Variants in NELL1 observed in about 807,000 individuals in gnomAD.
The protein encoded by NELL1 is neural EGFL like 1.
NELL1 carries 76 observed loss-of-function variants against 107.4 expected under a neutral mutation model. That is an observed-to-expected ratio of 0.71 (90% CI 0.59 to 0.86). NELL1 has a LOEUF of 0.86. NELL1 is among the 40% of genes least tolerant of loss of function. The pLI, the probability that NELL1 is intolerant of heterozygous loss-of-function variation, is 0.00. For synonymous variants in NELL1, 353 were observed against 341.2 expected (o/e 1.03, Z -0.38); for missense variants, 1,024 against 1,005.5 (o/e 1.02, Z -0.25).
chr11:20,958,463 G>C (rs1253249384), intron 11 of NELL1, among the ~76,000 whole-genome samples: 1 of 152,018 alleles, frequency 6.6e-6, no homozygotes, highest in Non-Finnish European at 1.5e-5. Context: ...GATCTTAAAA[G>C]CATCCACAGA....
intron 3 of NELL1, among the ~76,000 whole-genome samples, chr11:20,797,346 C>T (rs900719276): frequency 1.3e-5 from 2 of 151,776 alleles, no homozygotes; most frequent in Non-Finnish European, 2.9e-5. Flanking sequence ...GGGTAGATCA[C>T]GAAGTCAGGA....
chr11:21,454,908 G>A (rs1009381935), intron 15 of NELL1, among the ~76,000 whole-genome samples: 7 of 152,204 alleles, frequency 4.6e-5, no homozygotes, highest in Non-Finnish European at 2.9e-5. Context: ...TGGGAGTTAA[G>A]GCTTCAACAC....
At chr11:21,156,725 A>G (rs756141985) in intron 13 of NELL1, among the ~76,000 whole-genome samples, 4 of 152,160 alleles carry the variant, frequency 2.6e-5, no homozygotes, top group Non-Finnish European at 4.4e-5. Context: ...TCAGCAGGTC[A>G]TTCATAGGGA....
At chr11:21,007,108 G>A (rs746651740) in intron 12 of NELL1, among the ~76,000 whole-genome samples, 1 of 152,028 alleles carries the variant, frequency 6.6e-6, no homozygotes, top group African/African-American at 2.4e-5. Context: ...AGCAAGGAAG[G>A]ATTCTATTCC....
intron 3 of NELL1, among the ~76,000 whole-genome samples, chr11:20,825,572 T>C (rs1413601214): frequency 6.6e-6 from 1 of 151,296 alleles, no homozygotes; most frequent in East Asian, 1.9e-4. Flanking sequence ...GATTTCGAAC[T>C]TGCATGGGCC....
At chr11:20,715,255 G>A (rs1280520723) in intron 2 of NELL1, among the ~76,000 whole-genome samples, 1 of 150,992 alleles carries the variant, frequency 6.6e-6, no homozygotes, top group Non-Finnish European at 1.5e-5. Flanking sequence ...TATATATTGC[G>A]CTTAATTCCT....
chr11:21,492,744 G>A (rs1169001319), intron 15 of NELL1, among the ~76,000 whole-genome samples: 2 of 113,500 alleles, frequency 1.8e-5, no homozygotes, highest in Non-Finnish European at 3.4e-5. Flanking sequence ...GGGGACTGTT[G>A]TGGGGTGGGG....
intron 12 of NELL1, among the ~76,000 whole-genome samples, chr11:20,996,436 T>C (rs1852091684): frequency 6.6e-6 from 1 of 152,154 alleles, no homozygotes; most frequent in Non-Finnish European, 1.5e-5. Flanking sequence ...TTAACCACTA[T>C]GCTCCCACCT....
intron 2 of NELL1, among the ~76,000 whole-genome samples, chr11:20,682,549 A>T (rs1301595567): frequency 6.6e-6 from 1 of 151,776 alleles, no homozygotes; most frequent in Admixed American, 6.6e-5. Context: ...TTCTGTACAG[A>T]CAATTATTAG....
At chr11:21,017,745 C>T (rs1852602127) in intron 12 of NELL1, among the ~76,000 whole-genome samples, 1 of 152,042 alleles carries the variant, frequency 6.6e-6, no homozygotes, top group African/African-American at 2.4e-5. Flanking sequence ...TATATCCATT[C>T]CTTATTTTAT....
intron 13 of NELL1, among the ~76,000 whole-genome samples, chr11:21,203,557 A>ACT (rs1216056946): frequency 3.3e-5 from 5 of 149,360 alleles, no homozygotes; most frequent in African/African-American, 1.2e-4. Context: ...ATGGGTCTTG[A>ACT]CTTTATCCAA....
At chr11:21,312,060 C>A (rs972459833) in intron 14 of NELL1, among the ~76,000 whole-genome samples, 1 of 152,124 alleles carries the variant, frequency 6.6e-6, no homozygotes, top group Admixed American at 6.6e-5. Context: ...TTACCAGACA[C>A]TGAATCTGCC....
At chr11:20,818,227 G>A (rs1857666854) in intron 3 of NELL1, among the ~76,000 whole-genome samples, 1 of 152,134 alleles carries the variant, frequency 6.6e-6, no homozygotes, top group Admixed American at 6.5e-5. Context: ...TCTTTTTGTA[G>A]CTCTAAAAGC....
chr11:20,883,895 T>C (rs1849455610), intron 4 of NELL1, among the ~76,000 whole-genome samples: 1 of 152,244 alleles, frequency 6.6e-6, no homozygotes, highest in African/African-American at 2.4e-5. Context: ...GTGTGTATCA[T>C]GCTCCTGTGT....
chr11:21,132,635 C>T (rs1168084773), intron 13 of NELL1, among the ~76,000 whole-genome samples: 2 of 152,128 alleles, frequency 1.3e-5, no homozygotes, highest in Non-Finnish European at 2.9e-5. Context: ...AAGGGGAATA[C>T]GTTGGTGCCC....
chr11:21,234,040 C>T (rs1202740004), intron 14 of NELL1, among the ~76,000 whole-genome samples: 2 of 152,092 alleles, frequency 1.3e-5, no homozygotes, highest in Admixed American at 6.6e-5. Context: ...GGAACATTTA[C>T]AAAATGGTAT....
chr11:20,794,517 A>G (rs531950047), intron 3 of NELL1, among the ~76,000 whole-genome samples: 1 of 152,336 alleles, frequency 6.6e-6, no homozygotes, highest in South Asian at 2.1e-4. Context: ...GGTGTGCTAC[A>G]CATGGGAGGC....
At chr11:21,275,005 C>T (rs561902539) in intron 14 of NELL1, among the ~76,000 whole-genome samples, 62 of 152,124 alleles carry the variant, frequency 4.1e-4, no homozygotes, top group East Asian at 1.4e-3. Context: ...GAAGCAAGAG[C>T]GAACACATTC....
intron 15 of NELL1, among the ~76,000 whole-genome samples, chr11:21,395,680 C>T (rs1444649900): frequency 1.3e-5 from 2 of 151,162 alleles, no homozygotes; most frequent in Admixed American, 6.6e-5. Context: ...TACTAGTATA[C>T]AGGAAATAAC....
Sources: allele counts gnomAD v4.1 joint callset (sites outside exome capture counted in the v4.1 genomes callset), GRCh38; gene constraint gnomAD v4.1.1; transcripts MANE v1.5; gene names NCBI Gene and HGNC (gene_info 2026-07-23, HGNC 2026-07-21).